Variants in CUL1 observed in about 807,000 individuals in gnomAD.
CUL1 encodes cullin 1, also known as cullin-1.
Under a neutral mutation model 118.0 loss-of-function variants are expected in CUL1, and 24 were observed. That is an observed-to-expected ratio of 0.20 (90% CI 0.15 to 0.29). The LOEUF is 0.29. Ranked by LOEUF, CUL1 falls within the 10% of genes least tolerant of loss-of-function variation. CUL1 has a pLI of 1.00. For synonymous variants in CUL1, 332 were observed against 340.4 expected, an observed-to-expected ratio of 0.98 and a Z score of 0.27; for missense variants, 361 against 933.8, an observed-to-expected ratio of 0.39 and a Z score of 7.99.
intron 9 of CUL1, among the ~76,000 whole-genome samples, chr7:148,780,248 G>A (rs979906752): frequency 5.9e-5 from 9 of 152,208 alleles, no homozygotes; most frequent in Non-Finnish European, 1.0e-4. Context: ...TGGGCTGGTC[G>A]TGCGGGGAAT....
intron 1 of CUL1, among the ~76,000 whole-genome samples, chr7:148,699,663 T>C (rs1318653150): frequency 6.6e-6 from 1 of 151,970 alleles, no homozygotes; most frequent in Non-Finnish European, 1.5e-5. Context: ...TATTATTGGG[T>C]AACAGTCGCC....
At chr7:148,761,951 G>C (rs1159428891) in intron 7 of CUL1, among the ~76,000 whole-genome samples, 1 of 152,204 alleles carries the variant, frequency 6.6e-6, no homozygotes, top group African/African-American at 2.4e-5. Flanking sequence ...AGTAGGGTTC[G>C]AGCTCCTATG....
At chr7:148,742,491 G>A (rs1234504616) in intron 2 of CUL1, among the ~76,000 whole-genome samples, 1 of 152,052 alleles carries the variant, frequency 6.6e-6, no homozygotes, top group Non-Finnish European at 1.5e-5. Context: ...CTTGACAGAT[G>A]GGGATTATTA....
At position 148,716,190 on chromosome 7, in the gene CUL1, A is replaced by C. The variant is rs188625182; in HGVS notation, c.-161-13772A>C. 3.9e-5 allele frequency among the ~76,000 whole-genome samples: 6 copies of C among 152,186 alleles called. No individual in the cohort carries two copies. In the East Asian group the frequency reaches 1.2e-3, roughly 29 times the overall value. ...GCTTTTTTTAATCATAAAAAATGTC[A>C]AAAGTGTAGCAAACATGTCCATTCC... On this transcript the variant is annotated intron_variant, in intron 1 of 21. Coordinates refer to ENST00000325222, the MANE Select transcript of CUL1 (RefSeq NM_003592.3).
chr7:148,762,228 A>G (rs1799853564), intron 7 of CUL1, among the ~76,000 whole-genome samples: 1 of 152,198 alleles, frequency 6.6e-6, no homozygotes, highest in African/African-American at 2.4e-5. Context: ...TGAGATAGAA[A>G]GTCAATTAAA....
At chr7:148,745,890 C>T (rs1433677242) in intron 2 of CUL1, among the ~76,000 whole-genome samples, 1 of 151,956 alleles carries the variant, frequency 6.6e-6, no homozygotes, top group Non-Finnish European at 1.5e-5. Flanking sequence ...ATACGTTGAA[C>T]CTAAATTGTC....
intron 9 of CUL1, among the ~76,000 whole-genome samples, chr7:148,768,798 A>AT (rs531550030): frequency 6.6e-6 from 1 of 152,036 alleles, no homozygotes; most frequent in African/African-American, 2.4e-5. Flanking sequence ...CAAAAATAGT[A>AT]TTTTTTTAAT....
chr7:148,763,765 C>G (rs1799915008), intron 7 of CUL1, among the ~76,000 whole-genome samples: 1 of 152,196 alleles, frequency 6.6e-6, no homozygotes, highest in Admixed American at 6.5e-5. Context: ...GGTGGCAAAT[C>G]TTACTCAATA....
At chr7:148,790,216 T>C in intron 15 of CUL1, 94 bp from the exon 16 acceptor site, 1 of 1,352,862 alleles carries the variant, frequency 7.4e-7, no homozygotes, top group Non-Finnish European at 1.1e-6. Flanking sequence ...ACTGACTTTG[T>C]ACTGTAAGCT....
At chr7:148,792,690 T>C in intron 16 of CUL1, 36 bp from the exon 17 acceptor site, 1 of 1,535,424 alleles carries the variant, frequency 6.5e-7, no homozygotes, top group Non-Finnish European at 8.9e-7. Flanking sequence ...GCATGTAAAT[T>C]TTCCTTCTTT....
intron 7 of CUL1, among the ~76,000 whole-genome samples, chr7:148,762,620 T>G (rs1349824260): frequency 6.6e-6 from 1 of 152,246 alleles, no homozygotes; most frequent in Admixed American, 6.5e-5. Context: ...ACACTTCTCT[T>G]ATGAAACTCT....
At chr7:148,700,285 A>G (rs1185526775) in intron 1 of CUL1, among the ~76,000 whole-genome samples, 1 of 152,192 alleles carries the variant, frequency 6.6e-6, no homozygotes, top group African/African-American at 2.4e-5. Flanking sequence ...CAGAAGAGGA[A>G]CTAGATTCCT....
chr7:148,719,237 G>A (rs1798319719), intron 1 of CUL1, among the ~76,000 whole-genome samples: 1 of 152,142 alleles, frequency 6.6e-6, no homozygotes, highest in African/African-American at 2.4e-5. Context: ...CGTGAACCCG[G>A]GAGGCGGAGC....
rs59592789 is a variant in CUL1, at chr7:148,742,598, G to GTTTTTTTTTTTTTTTT, written c.141-11375_141-11360dup. ...TTCTTAAATCTTTCTACCTTTTCTG[G>GTTTTTTTTTTTTTTTT]TTTTTTTTTTTTTTTTTTGAGTTGG... On this transcript the variant is annotated intron_variant, in intron 2 of 21. Coordinates refer to ENST00000325222, the MANE Select transcript of CUL1 (RefSeq NM_003592.3). Among the ~76,000 whole-genome samples the GTTTTTTTTTTTTTTTT allele has an allele frequency of 2.0e-3, 226 of 112,138 alleles. 4 individuals carry two copies. The highest frequency in any genetic ancestry group is 3.1e-3 in the Non-Finnish European group (169 of 55,336). The allele number at this position is 112,138 out of a possible 152,430, so 73.6% of individuals were successfully genotyped here. A position where few individuals can be genotyped will look rare whatever the true frequency, so the allele number is the denominator to read the frequency against.
intron 2 of CUL1, among the ~76,000 whole-genome samples, chr7:148,739,731 G>A (rs1799080557): frequency 6.6e-6 from 1 of 152,036 alleles, no homozygotes; most frequent in Non-Finnish European, 1.5e-5. Context: ...GTTTACTTTG[G>A]GGAAACCTAA....
chr7:148,744,324 T>A (rs959720957), intron 2 of CUL1, among the ~76,000 whole-genome samples: 1 of 152,138 alleles, frequency 6.6e-6, no homozygotes. Flanking sequence ...TTGTTCTTGC[T>A]TTCCACCCTT....
At chr7:148,703,874 G>C (rs1243299838) in intron 1 of CUL1, among the ~76,000 whole-genome samples, 3 of 151,978 alleles carry the variant, frequency 2.0e-5, no homozygotes, top group African/African-American at 7.3e-5. Context: ...ATTTTAGGGG[G>C]GTAAGCTTGG....
chr7:148,789,912 C>A, intron 15 of CUL1, 86 bp downstream of exon 15: 1 of 1,228,164 alleles, frequency 8.1e-7, no homozygotes, highest in Non-Finnish European at 1.2e-6. Context: ...GACAGGCCTG[C>A]AGATGGCCTT....
At chr7:148,729,873 C>T in intron 1 of CUL1, 89 bp from the exon 2 acceptor site, 2 of 406,182 alleles carry the variant, frequency 4.9e-6, no homozygotes, top group Middle Eastern at 6.3e-4. Flanking sequence ...CTAGAGTGGG[C>T]CCTGCAGACT....
Sources: allele counts gnomAD v4.1 joint callset (sites outside exome capture counted in the v4.1 genomes callset), GRCh38; gene constraint gnomAD v4.1.1; transcripts MANE v1.5; gene names NCBI Gene and HGNC (gene_info 2026-07-23, HGNC 2026-07-21).